Variants in SERP1 observed in about 807,000 individuals in gnomAD.
SERP1 encodes stress-associated endoplasmic reticulum protein 1.
Under a neutral mutation model 8.8 loss-of-function variants are expected in SERP1, and 6 were observed. The ratio of observed to expected loss-of-function variants is 0.68; its 90% CI spans 0.37 to 1.35. The LOEUF (loss-of-function observed/expected upper bound fraction) is 1.35. Ranked by LOEUF, SERP1 falls within the 40% of genes most tolerant of loss-of-function variation. The pLI is 0.02. For missense variants in SERP1, 52 were observed against 86.2 expected (o/e 0.60, Z 1.57); for synonymous variants, 36 against 28.7 (o/e 1.25, Z -0.81).
chr3:150,544,541 A>T, intron 2 of SERP1, 43 bp from the exon 3 acceptor site: 1 of 1,491,534 alleles, frequency 6.7e-7, no homozygotes, highest in Non-Finnish European at 9.3e-7. Flanking sequence ...CTTTGAATAA[A>T]ATAGGTCTGG....
At position 150,544,141 on chromosome 3, in the gene SERP1, AAT is replaced by A. The variant is rs1197276986; in HGVS notation, c.*315_*316del. 2 of 280,680 alleles carry A rather than the reference AAT, an allele frequency of 7.1e-6. No individual in the cohort carries two copies. The highest frequency in any genetic ancestry group is 1.0e-4 in the Admixed American group (2 of 19,674). The allele number at this position is 280,680 out of a possible 1,614,324, so 17.4% of individuals were successfully genotyped here. The stretch of plus-strand genomic sequence containing the variant: ...GACCCTGTCTATGCAGAGTTAGACT[AAT>A]TGTTCATACTGTTTTAATAACCACA... On this transcript the variant is annotated 3_prime_UTR_variant, in exon 3 of 3. Coordinates refer to ENST00000239944, the MANE Select transcript of SERP1 (RefSeq NM_014445.4).
Position 150,545,796 on chromosome 3 carries a change from C to T in SERP1, c.85-18G>A. ...GCATTTCTCTGCAAAAGCGAAAATC[C>T]ACCATTTCAGATGCAGAGAAACCAC... is the stretch of plus-strand genomic sequence containing the variant. On this transcript the variant is annotated intron_variant, in intron 1 of 2. Transcript: ENST00000239944. The T allele has an allele frequency of 6.3e-7, 1 of 1,596,594 alleles. No homozygotes were observed. Among genetic ancestry groups the T allele is most frequent in the Non-Finnish European group, 8.5e-7 (1 of 1,170,246 alleles).
At chr3:150,545,998 A>C (rs557507312) in intron 1 of SERP1, 54 bp downstream of exon 1, 50 of 1,604,320 alleles carry the variant, frequency 3.1e-5, no homozygotes, top group Non-Finnish European at 4.3e-6. Context: ...GGCCCCAGGG[A>C]CCCGGACTCA....
intron 2 of SERP1, 57 bp from the exon 3 acceptor site, chr3:150,544,555 C>T (rs1258667795): frequency 1.3e-5 from 18 of 1,374,550 alleles, no homozygotes; most frequent in Non-Finnish European, 1.8e-5. Context: ...GGTCTGGTGT[C>T]TAACAAATAT....
chr3:150,543,447 T>C lies in SERP1; in HGVS notation c.*1011A>G, dbSNP rs1722919637. 1 of 152,626 alleles carries C rather than the reference T, an allele frequency of 6.6e-6. No homozygotes were observed. Among genetic ancestry groups the C allele is most frequent in the Admixed American group, 6.5e-5 (1 of 15,280 alleles). The allele number at this position is 152,626 out of a possible 1,614,324, so 9.5% of individuals were successfully genotyped here. A position where few individuals can be genotyped will look rare whatever the true frequency, so the allele number is the denominator to read the frequency against. On this transcript the variant is annotated 3_prime_UTR_variant, in exon 3 of 3. Transcript: ENST00000239944. ...CTGATGTGTCTAGTACCCTAATGAT[T>C]GAAAAATCATTAATCTAGAAAAAGC... is the stretch of plus-strand genomic sequence containing the variant.
intron 2 of SERP1, 49 bp from the exon 3 acceptor site, chr3:150,544,547 T>C: frequency 6.9e-7 from 1 of 1,439,700 alleles, no homozygotes; most frequent in South Asian, 1.2e-5. Flanking sequence ...ATAAAATAGG[T>C]CTGGTGTCTA....
At chr3:150,545,293 G>T in intron 2 of SERP1, 2 of 257,296 alleles carry the variant, frequency 7.8e-6, no homozygotes, top group South Asian at 1.6e-4. Flanking sequence ...ACTCAATTTT[G>T]ACATTAAGAC....
At position 150,544,036 on chromosome 3, in the gene SERP1, G is replaced by A. The variant is rs1722929397; in HGVS notation, c.*422C>T. ...TTTCAGTTCAAAAGAGTAATAAAGT[G>A]CCTAGCTATATAAAAACCACAAGAC... On this transcript the variant is annotated 3_prime_UTR_variant, in exon 3 of 3. Coordinates refer to ENST00000239944, the MANE Select transcript of SERP1 (RefSeq NM_014445.4). 1.2e-5 allele frequency: 2 copies of A among 160,154 alleles called. No homozygotes were observed. Among genetic ancestry groups the A allele is most frequent in the Non-Finnish European group, 1.4e-5 (1 of 73,098 alleles). The allele number at this position is 160,154 out of a possible 1,614,324, so 9.9% of individuals were successfully genotyped here. A position where few individuals can be genotyped will look rare whatever the true frequency, so the allele number is the denominator to read the frequency against.
intron 2 of SERP1, 33 bp from the exon 3 acceptor site, chr3:150,544,531 C>T (rs1533816): frequency 0.35 from 546,311 of 1,560,974 alleles, 97,509 homozygotes; most frequent in Non-Finnish European, 0.36. Flanking sequence ...TTAAAATAAG[C>T]TTTGAATAAA....
chr3:150,545,485 C>T, intron 2 of SERP1: 1 of 563,580 alleles, frequency 1.8e-6, no homozygotes, highest in South Asian at 2.4e-5. Context: ...TTTTTGATCT[C>T]CTGTGAGTAC....
In SERP1 at chr3:150,544,388, GTA is replaced by G; in HGVS notation, c.*68_*69del. The G allele has an allele frequency of 1.8e-5, 24 of 1,331,064 alleles. No homozygotes were observed. The highest frequency in any genetic ancestry group is 2.6e-5 in the Non-Finnish European group (24 of 923,762). 82.5% of individuals were successfully genotyped at this position (1,331,064 alleles called of 1,614,324 possible). ...CTTTACTGAATTGTTTTCAACCAGG[GTA>G]TCAAACATCAGGAATGAGTTCAAGT... On this transcript the variant is annotated 3_prime_UTR_variant, in exon 3 of 3. Coordinates refer to ENST00000239944, the MANE Select transcript of SERP1 (RefSeq NM_014445.4).
chr3:150,545,149 CTTTT>C (rs1169903927), intron 2 of SERP1, among the ~76,000 whole-genome samples: 1 of 151,548 alleles, frequency 6.6e-6, no homozygotes, highest in Non-Finnish European at 1.5e-5. Flanking sequence ...TACCCCGACA[CTTTT>C]TTTTTAAACC....
At position 150,546,452 on chromosome 3, in the gene SERP1, A is replaced by AAACGC. The variant is rs1376769571; in HGVS notation, c.-322_-318dup. On this transcript the variant is annotated 5_prime_UTR_variant, in exon 1 of 3. Transcript: ENST00000239944. ...GTGAGCGCGGAGTGAAAGAGGAAGG[A>AAACGC]AACGCAACGCAACAACGGGAATGTG... is the stretch of plus-strand genomic sequence containing the variant. The AAACGC allele has an allele frequency of 5.0e-5, 28 of 555,888 alleles. 1 individual carries two copies. The East Asian group carries it at 8.4e-4, about 17-fold the overall frequency. 34.4% of individuals were successfully genotyped at this position (555,888 alleles called of 1,614,324 possible). A position where few individuals can be genotyped will look rare whatever the true frequency, so the allele number is the denominator to read the frequency against.
intron 2 of SERP1, 136 bp downstream of exon 2, chr3:150,545,567 G>A (rs936165734): frequency 1.2e-6 from 1 of 819,676 alleles, no homozygotes; most frequent in Admixed American, 2.4e-5. Context: ...TGGTTCAGAC[G>A]AAACAGAATT....
At chr3:150,544,644 G>A (rs547112362) in intron 2 of SERP1, 146 bp from the exon 3 acceptor site, 1 of 570,880 alleles carries the variant, frequency 1.8e-6, no homozygotes, top group Admixed American at 3.5e-5. Context: ...AAGAAGTGAA[G>A]ACAGGCCTGT....
Position 150,544,250 on chromosome 3 carries a change from G to GT in SERP1, c.*207dup. Reference sequence around the variant, plus strand: ...AATCAAATTTTATTGCTTTATTCATGTGGTGTTTTTTGCAAGGCACTGTGG... The same window carrying GT: ...AATCAAATTTTATTGCTTTATTCATGTTGGTGTTTTTTGCAAGGCACTGTGG... On this transcript the variant is annotated 3_prime_UTR_variant, in exon 3 of 3. Transcript: ENST00000239944. 1 of 553,258 alleles carries GT rather than the reference G, an allele frequency of 1.8e-6. No homozygotes were observed. The highest frequency in any genetic ancestry group is 3.3e-6 in the Non-Finnish European group (1 of 305,886). The allele number at this position is 553,258 out of a possible 1,614,324, so 34.3% of individuals were successfully genotyped here.
Position 150,543,858 on chromosome 3 carries a change from T to C in SERP1, c.*600A>G, listed in dbSNP as rs753997439. 6.6e-6 allele frequency: 1 copy of C among 152,108 alleles called. No individual in the cohort carries two copies. The highest frequency in any genetic ancestry group is 1.5e-5 in the Non-Finnish European group (1 of 67,986). 9.4% of individuals were successfully genotyped at this position (152,108 alleles called of 1,614,324 possible). ...GGAAACAATATTGGTAAAATAGATGTTGTGGCTATAAGCATCTCCCTTTAT... is the reference window on the plus strand; with the variant it reads ...GGAAACAATATTGGTAAAATAGATGCTGTGGCTATAAGCATCTCCCTTTAT... On this transcript the variant is annotated 3_prime_UTR_variant, in exon 3 of 3. Transcript: ENST00000239944.
At chr3:150,545,562 C>G (rs1487976288) in intron 2 of SERP1, 141 bp downstream of exon 2, 1 of 778,506 alleles carries the variant, frequency 1.3e-6, no homozygotes, top group East Asian at 2.7e-5. Context: ...TAATTTGGTT[C>G]AGACGAAACA....
At chr3:150,544,600 T>C in intron 2 of SERP1, 102 bp from the exon 3 acceptor site, 2 of 885,440 alleles carry the variant, frequency 2.3e-6, no homozygotes, top group East Asian at 2.5e-5. Flanking sequence ...AAGGTACTCT[T>C]ACATTTGCAA....
Sources: gnomAD v4.1 joint callset for allele counts (sites outside exome capture counted in the v4.1 genomes callset) on GRCh38, gnomAD v4.1.1 for gene constraint, MANE v1.5 for transcripts, NCBI Gene and HGNC (gene_info 2026-07-23, HGNC 2026-07-21) for gene names.